Variants in TRPM1 observed in about 807,000 individuals in gnomAD.
TRPM1 encodes transient receptor potential cation channel subfamily M member 1, also known as TRPM1-203 APA Isoform, Intron 10.
TRPM1 carries 113 observed loss-of-function variants against 149.4 expected under a neutral mutation model. The ratio of observed to expected loss-of-function variants is 0.76; its 90% confidence interval spans 0.65 to 0.88. The LOEUF is 0.88. Ranked by LOEUF, TRPM1 falls within the 40% of genes least tolerant of loss-of-function variation. The pLI, the probability that TRPM1 is intolerant of heterozygous loss-of-function variation, is 0.00. For missense variants in TRPM1, 1,976 were observed against 2,038.7 expected (o/e 0.97, Z 0.59); for synonymous variants, 741 against 759.5 (o/e 0.98, Z 0.40).
At chr15:31,073,958 C>G (rs1350904507) in intron 3 of TRPM1, among the ~76,000 whole-genome samples, 1 of 151,978 alleles carries the variant, frequency 6.6e-6, no homozygotes, top group Non-Finnish European at 1.5e-5. Context: ...TTGAAAAGAT[C>G]ATGTGATTTT....
chr15:31,100,528 G>T (rs2035492000), intron 1 of TRPM1, among the ~76,000 whole-genome samples: 1 of 151,910 alleles, frequency 6.6e-6, no homozygotes, highest in Non-Finnish European at 1.5e-5. Flanking sequence ...AAGTACAAAA[G>T]ATATATTTTC....
At position 31,040,073 on chromosome 15, in the gene TRPM1, C is replaced by G. The variant is rs776508170; in HGVS notation, c.2316+45G>C. 6.4e-7 allele frequency: 1 copy of G among 1,570,210 alleles called. No individual in the cohort carries two copies. The highest frequency in any genetic ancestry group is 1.1e-5 in the South Asian group (1 of 90,216). ...CTCAGTTCAGCCTGGCAGAGAGTCA[C>G]TTGTCACTGTCACCCTGGCCCGCCT... On this transcript the variant is annotated intron_variant, in intron 18 of 27. Coordinates refer to ENST00000256552, the MANE Select transcript of TRPM1 (RefSeq NM_001252024.2). This position sits in a 1 kb window ranked among gnomAD's most constrained non-coding sequence, Gnocchi z 4.2.
chr15:31,001,608 A>G lies in TRPM1; in HGVS notation c.*214T>C, dbSNP rs1470970848. 3 of 610,086 alleles carry G rather than the reference A, an allele frequency of 4.9e-6. No individual in the cohort carries two copies. Among genetic ancestry groups the G allele is most frequent in the Non-Finnish European group, 8.6e-6 (3 of 349,774 alleles). 37.8% of individuals were successfully genotyped at this position (610,086 alleles called of 1,614,324 possible). On this transcript the variant is annotated 3_prime_UTR_variant, in exon 28 of 28. Coordinates refer to ENST00000256552, the MANE Select transcript of TRPM1 (RefSeq NM_001252024.2). ...AATTTATCTTCGTTACAGTATCATC[A>G]CTTTCATTTGATACTACTGCAACTG...
intron 1 of TRPM1, among the ~76,000 whole-genome samples, chr15:31,088,951 G>A (rs899069481): frequency 1.3e-5 from 2 of 152,214 alleles, no homozygotes; most frequent in African/African-American, 2.4e-5. Flanking sequence ...TGGCGCCTCT[G>A]TGAGGCAGTG....
At chr15:31,121,752 A>C (rs1567067497) in intron 1 of TRPM1, among the ~76,000 whole-genome samples, 1 of 152,204 alleles carries the variant, frequency 6.6e-6, no homozygotes, top group Admixed American at 6.5e-5. Flanking sequence ...GAGGAAGAAA[A>C]TATACCAATT....
At chr15:31,090,278 T>C (rs980705895) in intron 1 of TRPM1, among the ~76,000 whole-genome samples, 4 of 152,174 alleles carry the variant, frequency 2.6e-5, no homozygotes, top group African/African-American at 9.7e-5. Context: ...CATGGTGTTC[T>C]CCGGTGTGGC....
intron 2 of TRPM1, among the ~76,000 whole-genome samples, chr15:31,077,822 GTGA>G (rs1282080431): frequency 3.9e-5 from 6 of 152,018 alleles, no homozygotes; most frequent in Non-Finnish European, 5.9e-5. Flanking sequence ...GTGTGTGTGT[GTGA>G]TGAGTCTGTA....
In TRPM1 at chr15:31,066,636, A is replaced by G. The variant is rs538121587; in HGVS notation, c.619-389T>C. The stretch of plus-strand genomic sequence containing the variant: ...CAGCAGTAAAAAGGAATGAAGACCA[A>G]TACATATGGCAACCTGGACGCGTGT... On this transcript the variant is annotated intron_variant, in intron 6 of 27. Transcript: ENST00000256552. Among the ~76,000 whole-genome samples, 21 of 152,294 alleles carry G rather than the reference A, an allele frequency of 1.4e-4. No individual in the cohort carries two copies. In the South Asian group the frequency reaches 1.9e-3, roughly 14 times the overall value.
intron 1 of TRPM1, among the ~76,000 whole-genome samples, chr15:31,134,902 C>T (rs537532105): frequency 6.6e-6 from 1 of 152,184 alleles, no homozygotes; most frequent in South Asian, 2.1e-4. Flanking sequence ...ACTTGGGAGG[C>T]TGAGGCAGGA....
At chr15:31,086,752 C>G (rs56024254) in intron 1 of TRPM1, among the ~76,000 whole-genome samples, 1 of 152,170 alleles carries the variant, frequency 6.6e-6, no homozygotes, top group Non-Finnish European at 1.5e-5. Context: ...CTCCCCTGGT[C>G]TAAGGGAGGT....
At chr15:31,136,676 A>T (rs2036092194) in intron 1 of TRPM1, among the ~76,000 whole-genome samples, 1 of 151,874 alleles carries the variant, frequency 6.6e-6, no homozygotes, top group Non-Finnish European at 1.5e-5. Context: ...TCCTTGTCTC[A>T]TAAGGAAAGT....
intron 21 of TRPM1, 36 bp from the exon 22 acceptor site, chr15:31,032,976 G>A (rs1435880859): frequency 6.2e-7 from 1 of 1,613,116 alleles, no homozygotes. Context: ...AAACTGAGAT[G>A]CCGTATTAGA....
chr15:31,151,121 C>T (rs2036298016), intron 1 of TRPM1, among the ~76,000 whole-genome samples: 1 of 152,150 alleles, frequency 6.6e-6, no homozygotes, highest in East Asian at 1.9e-4. Flanking sequence ...AACTTTCCCT[C>T]CAACCTCACC....
chr15:31,055,725 C>G (rs962020698), intron 11 of TRPM1, among the ~76,000 whole-genome samples: 1 of 152,222 alleles, frequency 6.6e-6, no homozygotes, highest in Non-Finnish European at 1.5e-5. Context: ...ACTCTCCTTC[C>G]TAAGCAGGGA....
At position 31,118,614 on chromosome 15, in the gene TRPM1, C is replaced by T. The variant is rs1315571639; in HGVS notation, c.55-41630G>A. ...TTCTCACAGTTCTCAGGCTGAAGGT[C>T]CAAGATCAGGGTGCCCCATGGTTGG... On this transcript the variant is annotated intron_variant, in intron 1 of 26. Transcript: ENST00000542188. Among the ~76,000 whole-genome samples the T allele has an allele frequency of 2.6e-5, 4 of 152,110 alleles. No individual in the cohort carries two copies. The East Asian group carries it at 7.7e-4, about 29-fold the overall frequency.
chr15:31,026,461 G>A, intron 26 of TRPM1, 190 bp from the exon 27 acceptor site: 1 of 710,662 alleles, frequency 1.4e-6, no homozygotes, highest in Middle Eastern at 3.9e-4. Context: ...ATCAGTTGGA[G>A]CCAAACGGCC....
chr15:31,091,967 G>T (rs933823037), intron 1 of TRPM1, among the ~76,000 whole-genome samples: 1 of 152,332 alleles, frequency 6.6e-6, no homozygotes, highest in East Asian at 1.9e-4. Flanking sequence ...CCTCTTACGA[G>T]GTGGGCTCTG....
At chr15:31,144,711 G>GATT (rs1456570403) in intron 1 of TRPM1, among the ~76,000 whole-genome samples, 4 of 142,932 alleles carry the variant, frequency 2.8e-5, no homozygotes, top group Non-Finnish European at 3.0e-5. Context: ...TTGTTTTTGA[G>GATT]ATTTTTTTTT....
At chr15:31,082,841 G>C (rs1299050272) in intron 1 of TRPM1, among the ~76,000 whole-genome samples, 1 of 152,206 alleles carries the variant, frequency 6.6e-6, no homozygotes, top group East Asian at 1.9e-4. Context: ...AGGAAGTGTA[G>C]ACAGCAAGTG....
Sources: allele counts gnomAD v4.1 joint callset (sites outside exome capture counted in the v4.1 genomes callset), GRCh38; gene constraint gnomAD v4.1.1; non-coding constraint Gnocchi (gnomAD v3.1); transcripts MANE v1.5; gene names NCBI Gene and HGNC (gene_info 2026-07-23, HGNC 2026-07-21).